Variants in DNAI1 observed in about 807,000 individuals in gnomAD.
DNAI1 encodes dynein axonemal intermediate chain 1, also known as dynein, axonemal, intermediate polypeptide 1.
Under a neutral mutation model 92.0 loss-of-function variants are expected in DNAI1, and 67 were observed. The observed-to-expected ratio is 0.73, with a 90% CI of 0.60 to 0.89. DNAI1 has a LOEUF of 0.89. DNAI1 is among the 40% of genes least tolerant of loss of function. The pLI is 0.00. For synonymous variants in DNAI1, 323 were observed against 319.6 expected, an observed-to-expected ratio of 1.01 and a Z score of -0.11; for missense variants, 839 against 866.6, an observed-to-expected ratio of 0.97 and a Z score of 0.40.
chr9:34,490,125 G>T lies in DNAI1; in HGVS notation c.501+1G>T. On this transcript the variant is annotated splice_donor_variant, in intron 6 of 19. Transcript: ENST00000242317. LOFTEE classifies it high-confidence loss of function. ...TCAAACAGATGTGCCTGCAGCTGGGGTACAGTATAATATCGCTCTGTGTCC... is the reference window on the plus strand; with the variant it reads ...TCAAACAGATGTGCCTGCAGCTGGGTTACAGTATAATATCGCTCTGTGTCC... 2.5e-6 allele frequency: 4 copies of T among 1,613,952 alleles called. No individual in the cohort carries two copies. The highest frequency in any genetic ancestry group is 3.4e-6 in the Non-Finnish European group (4 of 1,179,936).
chr9:34,486,319 A>G (rs1824469806), intron 4 of DNAI1, among the ~76,000 whole-genome samples: 1 of 152,214 alleles, frequency 6.6e-6, no homozygotes, highest in East Asian at 1.9e-4. Flanking sequence ...GGGACTATTA[A>G]TATTCTAATT....
intron 1 of DNAI1, among the ~76,000 whole-genome samples, chr9:34,464,424 G>A (rs1824000614): frequency 6.6e-6 from 1 of 151,998 alleles, no homozygotes; most frequent in Non-Finnish European, 1.5e-5. Context: ...AGTTCTATGT[G>A]CTGCCCCCTT....
chr9:34,491,480 T>C lies in DNAI1; in HGVS notation c.622-15T>C, dbSNP rs1220469617. 5 of 1,614,154 alleles carry C rather than the reference T, an allele frequency of 3.1e-6. No individual in the cohort carries two copies. In the South Asian group the frequency reaches 5.5e-5, roughly 18 times the overall value. On this transcript the variant is annotated splice_polypyrimidine_tract_variant and intron_variant, in intron 7 of 19. Coordinates refer to ENST00000242317, the MANE Select transcript of DNAI1 (RefSeq NM_012144.4). ...TGAGGGCTTTTTGTGGGTCTCCTGT[T>C]GTCTTGTTCTTTAGGATCGAGAATG... is the stretch of plus-strand genomic sequence containing the variant.
In DNAI1 at chr9:34,520,919, C is replaced by G. The variant is rs1051948461; in HGVS notation, c.*163C>G. ...TCCTTAAGGTCCCAGCACCTTACCC[C>G]AGGACTTGGTCTTCAACCACCATTA... On this transcript the variant is annotated 3_prime_UTR_variant, in exon 20 of 20. Coordinates refer to ENST00000242317, the MANE Select transcript of DNAI1 (RefSeq NM_012144.4). 7.1e-5 allele frequency: 52 copies of G among 737,234 alleles called. No individual in the cohort carries two copies. The highest frequency in any genetic ancestry group is 6.5e-4 in the South Asian group (42 of 64,312). The allele number at this position is 737,234 out of a possible 1,614,324, so 45.7% of individuals were successfully genotyped here.
At chr9:34,492,507 T>TATATATATATATATAG (rs1824626574) in intron 8 of DNAI1, among the ~76,000 whole-genome samples, 1 of 59,562 alleles carries the variant, frequency 1.7e-5, no homozygotes, top group Non-Finnish European at 3.3e-5. Flanking sequence ...TATATATATA[T>TATATATATATATATAG]ATATATATAT....
intron 1 of DNAI1, among the ~76,000 whole-genome samples, chr9:34,473,255 T>C (rs1824174082): frequency 6.7e-6 from 1 of 149,448 alleles, no homozygotes; most frequent in South Asian, 2.1e-4. Context: ...GTATACATTG[T>C]GGAATGGCTA....
At chr9:34,496,999 G>T in intron 9 of DNAI1, 116 bp from the exon 10 acceptor site, 3 of 813,898 alleles carry the variant, frequency 3.7e-6, no homozygotes, top group Non-Finnish European at 6.6e-6. Context: ...GAGCTATCTG[G>T]GGTGAGTAGT....
At position 34,491,571 on chromosome 9, in the gene DNAI1, G is replaced by T; in HGVS notation, c.681+17G>T. 6.2e-7 allele frequency: 1 copy of T among 1,614,108 alleles called. No individual in the cohort carries two copies. The highest frequency in any genetic ancestry group is 8.5e-7 in the Non-Finnish European group (1 of 1,179,960). Reference sequence around the variant, plus strand: ...GCCAATCAGGTAAGACCCTGGGCCAGCCTGAAACCTCTTACCACCCACCTC... The same window carrying T: ...GCCAATCAGGTAAGACCCTGGGCCATCCTGAAACCTCTTACCACCCACCTC... On this transcript the variant is annotated intron_variant, in intron 8 of 19. Transcript: ENST00000242317.
intron 10 of DNAI1, among the ~76,000 whole-genome samples, chr9:34,499,305 T>C (rs1011717784): frequency 2.6e-5 from 4 of 152,260 alleles, no homozygotes; most frequent in Non-Finnish European, 5.9e-5. Context: ...ATGGGCACTA[T>C]AGGAGATGTC....
intron 9 of DNAI1, among the ~76,000 whole-genome samples, chr9:34,495,213 G>A (rs1824697001): frequency 1.3e-5 from 2 of 152,160 alleles, no homozygotes; most frequent in Non-Finnish European, 2.9e-5. Context: ...TAATAAAGAT[G>A]TGTGGCTGCT....
At chr9:34,478,107 G>A (rs907570681) in intron 1 of DNAI1, among the ~76,000 whole-genome samples, 3 of 151,818 alleles carry the variant, frequency 2.0e-5, no homozygotes, top group African/African-American at 7.3e-5. Flanking sequence ...GGCTGGTCTC[G>A]AACTCCTAGC....
chr9:34,493,387 G>A (rs1017775311), intron 9 of DNAI1, 59 bp downstream of exon 9: 43 of 1,610,882 alleles, frequency 2.7e-5, no homozygotes, highest in Non-Finnish European at 3.2e-5. Flanking sequence ...CTTGGCCTCT[G>A]GGTAGACAGA....
At chr9:34,487,417 C>A (rs1299207688) in intron 4 of DNAI1, among the ~76,000 whole-genome samples, 1 of 152,078 alleles carries the variant, frequency 6.6e-6, no homozygotes, top group Non-Finnish European at 1.5e-5. Context: ...AATCTCCTGA[C>A]CTCATGATCT....
At chr9:34,460,844 T>C (rs1301604397) in intron 1 of DNAI1, among the ~76,000 whole-genome samples, 2 of 151,292 alleles carry the variant, frequency 1.3e-5, no homozygotes, top group East Asian at 3.9e-4. Flanking sequence ...TATTATTTTA[T>C]TTTATTTTAT....
Position 34,512,419 on chromosome 9 carries a change from C to T in DNAI1, c.1484C>T (p.Pro495Leu), listed in dbSNP as rs17856865. 6.8e-6 allele frequency: 11 copies of T among 1,614,024 alleles called. No individual in the cohort carries two copies. Among genetic ancestry groups the T allele is most frequent in the Non-Finnish European group, 8.5e-6 (10 of 1,180,016 alleles). Residue 495 changes from proline (P) to leucine (L), a missense_variant, in exon 15 of 20, where the codon CCA becomes CTA. Transcript: ENST00000242317. ...GTTCCTGAGGGGTTGCAGCTGCACC[C>T]AGTGGGTAGGAGCCCCAGCCCTCTC... ...TEVPEGLQLHPVGCGTAFDFH... is the reference protein window; with the variant it reads ...TEVPEGLQLHLVGCGTAFDFH...
rs1219021217 is a variant in DNAI1, at chr9:34,485,419, G to A, written c.181-18G>A. The A allele has an allele frequency of 6.2e-7, 1 of 1,613,604 alleles. No individual in the cohort carries two copies. Among genetic ancestry groups the A allele is most frequent in the East Asian group, 2.2e-5 (1 of 44,864 alleles). On this transcript the variant is annotated intron_variant, in intron 3 of 19. Coordinates refer to ENST00000242317, the MANE Select transcript of DNAI1 (RefSeq NM_012144.4). Reference sequence around the variant, plus strand: ...GGGGGTCTTCATGTATGACCCTCTTGGTATTTTTCTCCCTCAGGAGTTAAA... The same window carrying A: ...GGGGGTCTTCATGTATGACCCTCTTAGTATTTTTCTCCCTCAGGAGTTAAA...
intron 1 of DNAI1, among the ~76,000 whole-genome samples, chr9:34,463,699 T>C (rs1028714130): frequency 1.3e-5 from 2 of 152,228 alleles, no homozygotes; most frequent in African/African-American, 4.8e-5. Context: ...GTCTGGAATT[T>C]TACATCATTC....
At chr9:34,488,143 G>A (rs1824509132) in intron 4 of DNAI1, 1 of 294,244 alleles carries the variant, frequency 3.4e-6, no homozygotes, top group African/African-American at 2.3e-5. Flanking sequence ...GTGTTAATAG[G>A]TTGTTTTTAT....
intron 8 of DNAI1, among the ~76,000 whole-genome samples, chr9:34,492,493 G>GAGAGATATATATATATATATATATAT (rs1271867592): frequency 1.5e-5 from 1 of 68,266 alleles, no homozygotes; most frequent in Non-Finnish European, 3.1e-5. Flanking sequence ...GGGATATGAA[G>GAGAGATATATATATATATATATATAT]ATATATATAT....
Sources: gnomAD v4.1 joint callset for allele counts (sites outside exome capture counted in the v4.1 genomes callset) on GRCh38, gnomAD v4.1.1 for gene constraint, MANE v1.5 for transcripts, NCBI Gene and HGNC (gene_info 2026-07-23, HGNC 2026-07-21) for gene names.